ELK3: variants seen among roughly 807,000 people sequenced by gnomAD.
ELK3 encodes the protein ETS transcription factor ELK3, also known as ETS domain-containing protein Elk-3.
Under a neutral mutation model 28.9 loss-of-function variants are expected in ELK3, and 10 were observed. The ratio of observed to expected loss-of-function variants is 0.35; its 90% confidence interval spans 0.21 to 0.59. The LOEUF is 0.59. Among genes scored for constraint, ELK3 ranks in the 20% least tolerant of loss-of-function variants. The pLI is 0.82. For synonymous variants in ELK3, 272 were observed against 243.5 expected (o/e 1.12, Z -1.09); for missense variants, 463 against 517.3 (o/e 0.90, Z 1.02).
At position 96,227,825 on chromosome 12, in the gene ELK3, C is replaced by A. The variant is rs1565783238; in HGVS notation, c.207+4052C>A. Reference sequence around the variant, plus strand: ...GCCTAATCTCTCTGAGTCTCAGCTTCCTTTTCTGTAAAGTGGGTATAATAG... The same window carrying A: ...GCCTAATCTCTCTGAGTCTCAGCTTACTTTTCTGTAAAGTGGGTATAATAG... On this transcript the variant is annotated intron_variant, in intron 2 of 4. Coordinates refer to ENST00000228741, the MANE Select transcript of ELK3 (RefSeq NM_005230.4). Among the ~76,000 whole-genome samples, 3 of 152,306 alleles carry A rather than the reference C, an allele frequency of 2.0e-5. No individual in the cohort carries two copies. The South Asian group carries it at 6.2e-4, about 32-fold the overall frequency.
chr12:96,266,718 A>C (rs2137047890), intron 4 of ELK3, among the ~76,000 whole-genome samples: 1 of 152,300 alleles, frequency 6.6e-6, no homozygotes, highest in East Asian at 1.9e-4. Context: ...ACACTCTTTT[A>C]ATATTTAATA....
Position 96,263,600 on chromosome 12 carries a change from G to T in ELK3, c.1126-3482G>T, listed in dbSNP as rs947058616. Among the ~76,000 whole-genome samples the T allele has an allele frequency of 7.9e-5, 12 of 152,234 alleles. No homozygotes were observed. In the East Asian group the frequency reaches 2.3e-3, roughly 29 times the overall value. The stretch of plus-strand genomic sequence containing the variant: ...GACAGAGAATATGTGAATAGTGGAT[G>T]AGTAAACAAACTGCTGCAGAAAGTA... On this transcript the variant is annotated intron_variant, in intron 4 of 4. Coordinates refer to ENST00000228741, the MANE Select transcript of ELK3 (RefSeq NM_005230.4).
chr12:96,210,260 A>G (rs1220621179), intron 1 of ELK3, among the ~76,000 whole-genome samples: 3 of 152,072 alleles, frequency 2.0e-5, no homozygotes, highest in Non-Finnish European at 4.4e-5. Flanking sequence ...TTTTCGGGGC[A>G]TGTTGTGGTC....
intron 2 of ELK3, among the ~76,000 whole-genome samples, chr12:96,237,505 G>A (rs1008307247): frequency 6.6e-6 from 1 of 152,204 alleles, no homozygotes; most frequent in African/African-American, 2.4e-5. Flanking sequence ...GCAGAGGCAG[G>A]GGATGTCACA....
intron 4 of ELK3, among the ~76,000 whole-genome samples, chr12:96,265,795 T>C (rs1195677901): frequency 6.6e-6 from 1 of 152,208 alleles, no homozygotes; most frequent in Non-Finnish European, 1.5e-5. Context: ...GTATAAACTA[T>C]ATGTGCATAG....
intron 2 of ELK3, among the ~76,000 whole-genome samples, chr12:96,232,409 A>C (rs1283396168): frequency 6.6e-6 from 1 of 151,970 alleles, no homozygotes. Flanking sequence ...GTCTCTACTA[A>C]AAATACAAAA....
chr12:96,196,324 G>T (rs1359186277), intron 1 of ELK3, among the ~76,000 whole-genome samples: 1 of 152,000 alleles, frequency 6.6e-6, no homozygotes, highest in Non-Finnish European at 1.5e-5. Context: ...CAGATTTGCA[G>T]GTTTTTCTTT....
chr12:96,227,606 C>CT (rs1565783173), intron 2 of ELK3, among the ~76,000 whole-genome samples: 13 of 149,712 alleles, frequency 8.7e-5, no homozygotes, highest in East Asian at 7.9e-4. Context: ...TGTGCCCATG[C>CT]GGTCAGAAAG....
At chr12:96,261,059 T>C (rs1951989491) in intron 4 of ELK3, among the ~76,000 whole-genome samples, 1 of 152,226 alleles carries the variant, frequency 6.6e-6, no homozygotes, top group Non-Finnish European at 1.5e-5. Context: ...GAAAGGCCAG[T>C]ATTAATAGCA....
intron 2 of ELK3, among the ~76,000 whole-genome samples, chr12:96,235,930 C>T (rs1323841484): frequency 6.6e-6 from 1 of 152,112 alleles, no homozygotes; most frequent in Non-Finnish European, 1.5e-5. Flanking sequence ...TGGGTTCGAG[C>T]GATTCTCCTG....
At chr12:96,197,825 T>TAC (rs1951482373) in intron 1 of ELK3, among the ~76,000 whole-genome samples, 1 of 152,242 alleles carries the variant, frequency 6.6e-6, no homozygotes, top group African/African-American at 2.4e-5. Flanking sequence ...AGTGCTAATA[T>TAC]ACAGTACATG....
Position 96,210,561 on chromosome 12 carries a change from GCACGCA to G in ELK3, c.-2-13000_-2-12995del, listed in dbSNP as rs1330711210. Among the ~76,000 whole-genome samples, 54 of 144,848 alleles carry G rather than the reference GCACGCA, an allele frequency of 3.7e-4. 1 individual carries two copies. In the South Asian group the frequency reaches 7.9e-3, roughly 21 times the overall value. ...CTGTTCCACCGCCCTGCGCGCGGGC[GCACGCA>G]CACACACACACACACACACACACAC... On this transcript the variant is annotated intron_variant, in intron 1 of 4. Transcript: ENST00000228741.
rs1299676539 is a variant in ELK3 at position 96,266,999 on chromosome 12, T to TG, written c.1126-81dup. The TG allele has an allele frequency of 1.6e-5, 18 of 1,153,942 alleles. No individual in the cohort carries two copies. In the South Asian group the frequency reaches 2.7e-4, roughly 18 times the overall value. 71.5% of individuals were successfully genotyped at this position (1,153,942 alleles called of 1,614,324 possible). ...GGGTGATGAGAGAAATGGACTGCTA[T>TG]GGACTGTATGGGAATGTAAAGAACC... On this transcript the variant is annotated intron_variant, in intron 4 of 4. Coordinates refer to ENST00000228741, the MANE Select transcript of ELK3 (RefSeq NM_005230.4).
intron 4 of ELK3, among the ~76,000 whole-genome samples, chr12:96,266,364 C>T (rs1952029738): frequency 6.6e-6 from 1 of 152,094 alleles, no homozygotes; most frequent in Non-Finnish European, 1.5e-5. Flanking sequence ...CAAGTAGTCA[C>T]ATATTAAAAG....
intron 2 of ELK3, among the ~76,000 whole-genome samples, chr12:96,240,187 C>G (rs1951810839): frequency 6.6e-6 from 1 of 152,176 alleles, no homozygotes; most frequent in Non-Finnish European, 1.5e-5. Flanking sequence ...TGTAATTCTG[C>G]CTGCTGTGCA....
At chr12:96,250,991 C>T (rs922427279) in intron 3 of ELK3, among the ~76,000 whole-genome samples, 2 of 152,186 alleles carry the variant, frequency 1.3e-5, no homozygotes, top group African/African-American at 4.8e-5. Flanking sequence ...CCTCATTTTA[C>T]TGTACTTTGC....
At chr12:96,236,814 A>C (rs1366892719) in intron 2 of ELK3, among the ~76,000 whole-genome samples, 3 of 152,224 alleles carry the variant, frequency 2.0e-5, no homozygotes, top group African/African-American at 4.8e-5. Flanking sequence ...GTGGCTCAAA[A>C]CAATAGAAAT....
rs766886724 is a variant in ELK3, at chr12:96,267,150, ACTG to A, written c.1197_1199del (p.Leu400del). 20 of 1,613,106 alleles carry A rather than the reference ACTG, an allele frequency of 1.2e-5. No homozygotes were observed. In the South Asian group the frequency reaches 1.8e-4, roughly 14 times the overall value. On this transcript the variant is annotated inframe_deletion, in exon 5 of 5. Transcript: ENST00000228741. ...GTCTGGACAGAGCTGCTTCTCCAGTACTGCTTTCTTCAAACTCTCAGAAATCCT... is the reference window on the plus strand; with the variant it reads ...GTCTGGACAGAGCTGCTTCTCCAGTACTTTCTTCAAACTCTCAGAAATCCT...
At chr12:96,232,095 A>G (rs1951745726) in intron 2 of ELK3, among the ~76,000 whole-genome samples, 1 of 152,238 alleles carries the variant, frequency 6.6e-6, no homozygotes, top group South Asian at 2.1e-4. Flanking sequence ...GAAAAAAGTT[A>G]GAAGGGATAT....
Sources: gnomAD v4.1 joint callset for allele counts (sites outside exome capture counted in the v4.1 genomes callset) on GRCh38, gnomAD v4.1.1 for gene constraint, MANE v1.5 for transcripts, NCBI Gene and HGNC (gene_info 2026-07-23, HGNC 2026-07-21) for gene names.